Variants in B3GALT1 observed in about 807,000 individuals in gnomAD.
B3GALT1 encodes beta-1,3-galactosyltransferase 1.
In B3GALT1, 10 loss-of-function variants were observed where a neutral mutation model predicts 23.2. That is an observed-to-expected ratio of 0.43 (90% CI 0.27 to 0.73). B3GALT1 has a LOEUF of 0.73. Ranked by LOEUF, B3GALT1 falls within the 30% of genes least tolerant of loss-of-function variation. The pLI is 0.21. For synonymous variants in B3GALT1, 156 were observed against 141.5 expected (o/e 1.10, Z -0.73); for missense variants, 299 against 405.4 (o/e 0.74, Z 2.25).
intron 1 of B3GALT1, among the ~76,000 whole-genome samples, chr2:167,416,099 C>G (rs1361065239): frequency 6.6e-6 from 1 of 152,110 alleles, no homozygotes; most frequent in African/African-American, 2.4e-5. Flanking sequence ...GCAACTTTTG[C>G]TAAGATTAGT....
chr2:167,789,598 A>T (rs1438644113), intron 3 of B3GALT1, among the ~76,000 whole-genome samples: 1 of 150,748 alleles, frequency 6.6e-6, no homozygotes, highest in Non-Finnish European at 1.5e-5. Flanking sequence ...TGCCACAGCA[A>T]ACTGCTGTGT....
chr2:167,860,564 A>G (rs1430213359), intron 4 of B3GALT1, among the ~76,000 whole-genome samples: 5 of 152,236 alleles, frequency 3.3e-5, no homozygotes, highest in Non-Finnish European at 5.9e-5. Flanking sequence ...TTCAGAGTCA[A>G]TTAATAACAG....
At chr2:167,556,958 A>C (rs1683863611) in intron 2 of B3GALT1, among the ~76,000 whole-genome samples, 1 of 152,232 alleles carries the variant, frequency 6.6e-6, no homozygotes, top group Non-Finnish European at 1.5e-5. Flanking sequence ...TGGAGAAATA[A>C]GGAATTGTGC....
intron 2 of B3GALT1, among the ~76,000 whole-genome samples, chr2:167,579,509 A>G (rs1574149984): frequency 7.1e-6 from 1 of 141,242 alleles, no homozygotes; most frequent in Non-Finnish European, 1.5e-5. Flanking sequence ...AAATCTCTAG[A>G]TTTCTAGCCT....
At chr2:167,606,057 T>A (rs1478873431) in intron 2 of B3GALT1, among the ~76,000 whole-genome samples, 2 of 152,200 alleles carry the variant, frequency 1.3e-5, no homozygotes, top group Non-Finnish European at 2.9e-5. Context: ...ATCAAGATAT[T>A]TTTTAAAGCG....
chr2:167,501,427 G>A (rs926832497), intron 2 of B3GALT1, among the ~76,000 whole-genome samples: 15 of 151,864 alleles, frequency 9.9e-5, no homozygotes, highest in African/African-American at 3.6e-4. Context: ...AATTCCTAGT[G>A]TTCAAATCTC....
At position 167,368,278 on chromosome 2, in the gene B3GALT1, AT is replaced by A. The variant is rs1192358223; in HGVS notation, c.-511+74951del. On this transcript the variant is annotated intron_variant, in intron 1 of 4. Coordinates refer to ENST00000392690, the MANE Select transcript of B3GALT1 (RefSeq NM_020981.4). ...CTCAATTGCCTTGGAATTTATCCCA[AT>A]TTTTTTATTGCTTTACATAACAATG... Among the ~76,000 whole-genome samples, 11 of 152,280 alleles carry A rather than the reference AT, an allele frequency of 7.2e-5. 1 individual carries two copies. The East Asian group carries it at 1.5e-3, about 21-fold the overall frequency.
chr2:167,867,530 T>G (rs1690258734), intron 4 of B3GALT1, among the ~76,000 whole-genome samples: 1 of 152,232 alleles, frequency 6.6e-6, no homozygotes, highest in Non-Finnish European at 1.5e-5. Context: ...CACAGTCAGC[T>G]CTTGGCTTAG....
At chr2:167,554,676 A>G (rs913619252) in intron 2 of B3GALT1, among the ~76,000 whole-genome samples, 5 of 152,186 alleles carry the variant, frequency 3.3e-5, no homozygotes, top group Admixed American at 3.3e-4. Flanking sequence ...CTATTCCATA[A>G]AACTCATAGC....
At chr2:167,707,983 C>T (rs1686990412) in intron 3 of B3GALT1, among the ~76,000 whole-genome samples, 1 of 152,280 alleles carries the variant, frequency 6.6e-6, no homozygotes, top group East Asian at 1.9e-4. Context: ...ATGTTCTTTC[C>T]AATCACTTCA....
intron 1 of B3GALT1, among the ~76,000 whole-genome samples, chr2:167,461,822 A>C (rs1699263265): frequency 6.6e-6 from 1 of 152,222 alleles, no homozygotes; most frequent in African/African-American, 2.4e-5. Context: ...TTTTATATGT[A>C]ATGTAGAGAA....
chr2:167,752,903 C>T lies in B3GALT1; in HGVS notation c.-351-65769C>T, dbSNP rs538372914. Among the ~76,000 whole-genome samples, 15 of 152,304 alleles carry T rather than the reference C, an allele frequency of 9.8e-5. No homozygotes were observed. In the South Asian group the frequency reaches 1.7e-3, roughly 17 times the overall value. On this transcript the variant is annotated intron_variant, in intron 3 of 4. Coordinates refer to ENST00000392690, the MANE Select transcript of B3GALT1 (RefSeq NM_020981.4). ...CCTGAGTGAGCCAGGAGAGATGCAA[C>T]AGCTGAGTGCATGCAGCACTCATTG...
intron 3 of B3GALT1, among the ~76,000 whole-genome samples, chr2:167,697,537 A>C (rs1686806759): frequency 6.6e-6 from 1 of 152,242 alleles, no homozygotes; most frequent in African/African-American, 2.4e-5. Flanking sequence ...ATCACTTACA[A>C]GGAGTTTGTC....
chr2:167,428,045 G>A (rs1180331643), intron 1 of B3GALT1, among the ~76,000 whole-genome samples: 3 of 152,136 alleles, frequency 2.0e-5, no homozygotes, highest in East Asian at 1.9e-4. Context: ...AAAGGGAAAC[G>A]GGAAAACATT....
intron 1 of B3GALT1, among the ~76,000 whole-genome samples, chr2:167,447,454 G>C (rs114328771): frequency 6.6e-6 from 1 of 152,192 alleles, no homozygotes; most frequent in Non-Finnish European, 1.5e-5. Context: ...TGCCCTGTCT[G>C]CAGAGGTGGA....
intron 4 of B3GALT1, among the ~76,000 whole-genome samples, chr2:167,847,760 T>C (rs1010456482): frequency 6.6e-6 from 1 of 151,860 alleles, no homozygotes; most frequent in Non-Finnish European, 1.5e-5. Flanking sequence ...CTAAGTGAAA[T>C]TGAAACAAAC....
At chr2:167,340,226 C>T (rs1430590762) in intron 1 of B3GALT1, among the ~76,000 whole-genome samples, 4 of 151,078 alleles carry the variant, frequency 2.6e-5, no homozygotes, top group African/African-American at 7.3e-5. Context: ...CTCTTTTTCC[C>T]TAGGTTCACT....
intron 4 of B3GALT1, among the ~76,000 whole-genome samples, chr2:167,836,567 T>C (rs536200758): frequency 6.8e-6 from 1 of 147,720 alleles, no homozygotes; most frequent in East Asian, 2.0e-4. Flanking sequence ...TACCTGAAAG[T>C]GATGGGGAGA....
chr2:167,430,205 A>G (rs1296012222), intron 1 of B3GALT1, among the ~76,000 whole-genome samples: 1 of 152,190 alleles, frequency 6.6e-6, no homozygotes, highest in Non-Finnish European at 1.5e-5. Flanking sequence ...AAGACACTCC[A>G]GAGAGAGGGA....
Sources: gnomAD v4.1 joint callset for allele counts (sites outside exome capture counted in the v4.1 genomes callset) on GRCh38, gnomAD v4.1.1 for gene constraint, MANE v1.5 for transcripts, NCBI Gene and HGNC (gene_info 2026-07-23, HGNC 2026-07-21) for gene names.